MAPRE1: variants seen among roughly 807,000 people sequenced by gnomAD.
The protein encoded by MAPRE1 is microtubule associated protein RP/EB family member 1.
MAPRE1 carries 5 observed loss-of-function variants against 32.1 expected under a neutral mutation model. The observed-to-expected ratio is 0.16, with a 90% CI of 0.08 to 0.33. The LOEUF is 0.33. Among genes scored for constraint, MAPRE1 ranks in the 10% least tolerant of loss-of-function variants. The pLI is 1.00. For missense variants in MAPRE1, 209 were observed against 327.2 expected (o/e 0.64, Z 2.79); for synonymous variants, 122 against 118.9 (o/e 1.03, Z -0.17).
At chr20:32,828,930 T>C (rs2146124831) in intron 2 of MAPRE1, among the ~76,000 whole-genome samples, 1 of 152,160 alleles carries the variant, frequency 6.6e-6, no homozygotes, top group African/African-American at 2.4e-5. Flanking sequence ...TCTGTGAGGT[T>C]TGTCAGTTGT....
In MAPRE1 at chr20:32,849,987, C is replaced by T. The variant is rs1983603555; in HGVS notation, c.*1259C>T. ...AAAATACTTCATTCCTTAACTCTCC[C>T]TCATTTGCTTTGCCCACAGCCTATT... On this transcript the variant is annotated 3_prime_UTR_variant, in exon 7 of 7. Transcript: ENST00000375571. 1 of 152,592 alleles carries T rather than the reference C, an allele frequency of 6.6e-6. No individual in the cohort carries two copies. Among genetic ancestry groups the T allele is most frequent in the African/African-American group, 2.4e-5 (1 of 41,430 alleles). The allele number at this position is 152,592 out of a possible 1,614,324, so 9.5% of individuals were successfully genotyped here. A position where few individuals can be genotyped will look rare whatever the true frequency, so the allele number is the denominator to read the frequency against.
intron 4 of MAPRE1, among the ~76,000 whole-genome samples, chr20:32,838,546 T>C (rs1401796107): frequency 2.0e-5 from 3 of 152,228 alleles, no homozygotes; most frequent in Admixed American, 6.5e-5. Context: ...TGCTGTGCCA[T>C]GTGTTAACTC....
At chr20:32,824,018 C>G (rs1325067653) in intron 1 of MAPRE1, among the ~76,000 whole-genome samples, 1 of 152,224 alleles carries the variant, frequency 6.6e-6, no homozygotes, top group Non-Finnish European at 1.5e-5. Flanking sequence ...GTGGTTGCTT[C>G]TTTCTCTGAT....
intron 5 of MAPRE1, chr20:32,843,458 T>C (rs1212484979): frequency 2.6e-5 from 4 of 152,196 alleles, no homozygotes; most frequent in Non-Finnish European, 4.4e-5. Context: ...CCAATGAAGG[T>C]AGAAGGTGAG....
In MAPRE1 at chr20:32,822,591, G is replaced by A. The variant is rs147733901; in HGVS notation, c.-4+2563G>A. ...AAATACCTCTTAAATTTGATGCCAT[G>A]CCAAATATTTTATGTACCTTATCTA... On this transcript the variant is annotated intron_variant, in intron 1 of 6. Transcript: ENST00000375571. Among the ~76,000 whole-genome samples the A allele has an allele frequency of 2.0e-5, 3 of 152,286 alleles. No homozygotes were observed. In the East Asian group the frequency reaches 5.8e-4, roughly 29 times the overall value.
chr20:32,838,699 C>T (rs1024607389), intron 4 of MAPRE1, among the ~76,000 whole-genome samples: 5 of 152,174 alleles, frequency 3.3e-5, no homozygotes, highest in African/African-American at 7.2e-5. Flanking sequence ...TAGATAACCC[C>T]GTGCATTTCA....
At chr20:32,839,917 A>C in intron 5 of MAPRE1, 61 bp downstream of exon 5, 1 of 1,602,940 alleles carries the variant, frequency 6.2e-7, no homozygotes, top group Admixed American at 1.7e-5. Flanking sequence ...TGCGGTGGCC[A>C]GGGTGCCTTA....
intron 2 of MAPRE1, 152 bp downstream of exon 2, chr20:32,826,200 T>A (rs1438690057): frequency 1.7e-6 from 1 of 582,024 alleles, no homozygotes; most frequent in Non-Finnish European, 2.8e-6. Flanking sequence ...CCTTTGCTTC[T>A]GCTTCCAAAG....
At position 32,836,735 on chromosome 20, in the gene MAPRE1, C is replaced by G; in HGVS notation, c.369C>G (p.Asp123Glu). ...TCGATGCAAACTATGATGGAAAAGA[C>G]TATGACCCTGTGGCTGCCAGACAAG... ...KFFDANYDGK[D>E]YDPVAARQGQ... Residue 123 changes from aspartate (D) to glutamate (E), a missense_variant, in exon 4 of 7, where the codon GAC becomes GAG. Transcript: ENST00000375571. 2 of 1,613,790 alleles carry G rather than the reference C, an allele frequency of 1.2e-6. No individual in the cohort carries two copies. The highest frequency in any genetic ancestry group is 1.7e-5 in the Admixed American group (1 of 60,022).
intron 2 of MAPRE1, among the ~76,000 whole-genome samples, chr20:32,829,766 A>G (rs1351174960): frequency 6.6e-6 from 1 of 152,200 alleles, no homozygotes; most frequent in African/African-American, 2.4e-5. Flanking sequence ...TACCCCCAAC[A>G]GTGAGCTGAG....
chr20:32,832,928 G>A (rs1383961748), intron 2 of MAPRE1, among the ~76,000 whole-genome samples: 3 of 145,648 alleles, frequency 2.1e-5, no homozygotes, highest in African/African-American at 5.2e-5. Flanking sequence ...TGGCAACAGA[G>A]CGAGACTCTG....
chr20:32,823,550 TTCTCTACTAG>T (rs1455380964), intron 1 of MAPRE1, among the ~76,000 whole-genome samples: 1 of 152,228 alleles, frequency 6.6e-6, no homozygotes, highest in Admixed American at 6.5e-5. Context: ...CTACTGTCTG[TTCTCTACTAG>T]TAGTCAATGT....
At chr20:32,847,378 G>A (rs1232629695) in intron 6 of MAPRE1, among the ~76,000 whole-genome samples, 4 of 152,166 alleles carry the variant, frequency 2.6e-5, no homozygotes, top group South Asian at 4.1e-4. Flanking sequence ...ATTGTTATCC[G>A]GCTGTGTCCA....
intron 1 of MAPRE1, among the ~76,000 whole-genome samples, chr20:32,820,269 G>C (rs1232978154): frequency 1.2e-4 from 19 of 152,008 alleles, no homozygotes; most frequent in Non-Finnish European, 2.8e-4. Flanking sequence ...CTGCTACGCG[G>C]GGTGGGGGTT....
intron 1 of MAPRE1, among the ~76,000 whole-genome samples, chr20:32,822,096 C>G (rs139480229): frequency 1.3e-5 from 2 of 152,200 alleles, no homozygotes; most frequent in African/African-American, 4.8e-5. Flanking sequence ...CACGTGGGAC[C>G]AGGTATTAAT....
chr20:32,848,611 A>C, intron 6 of MAPRE1, 61 bp from the exon 7 acceptor site: 2 of 1,313,008 alleles, frequency 1.5e-6, no homozygotes, highest in Non-Finnish European at 1.1e-6. Context: ...GTATGAGGAA[A>C]GTGAACTCAC....
chr20:32,831,716 A>G (rs1983032064), intron 2 of MAPRE1, among the ~76,000 whole-genome samples: 3 of 151,606 alleles, frequency 2.0e-5, no homozygotes, highest in African/African-American at 4.8e-5. Flanking sequence ...TGTATTTTTA[A>G]TAGAGACGGG....
intron 1 of MAPRE1, among the ~76,000 whole-genome samples, chr20:32,824,654 A>G (rs911621183): frequency 1.3e-5 from 2 of 150,416 alleles, no homozygotes; most frequent in Non-Finnish European, 3.0e-5. Context: ...AAGCTGATTT[A>G]CTTTTTCAAT....
chr20:32,840,091 C>G (rs983369355), intron 5 of MAPRE1, among the ~76,000 whole-genome samples: 1 of 152,196 alleles, frequency 6.6e-6, no homozygotes, highest in Non-Finnish European at 1.5e-5. Context: ...GAAGCCAGTG[C>G]TTAGACTAGA....
Sources: allele counts gnomAD v4.1 joint callset (sites outside exome capture counted in the v4.1 genomes callset), GRCh38; gene constraint gnomAD v4.1.1; transcripts MANE v1.5; gene names NCBI Gene and HGNC (gene_info 2026-07-23, HGNC 2026-07-21).